The following NR5A2 variants were observed in gnomAD, a reference collection of about 807,000 sequenced individuals.
NR5A2 encodes CYP7A promoter-binding factor.
In NR5A2, 26 loss-of-function variants were observed where a neutral mutation model predicts 62.7. The observed-to-expected ratio is 0.41, with a 90% CI of 0.30 to 0.58. The LOEUF (loss-of-function observed/expected upper bound fraction) is 0.58, where lower values mean the gene tolerates loss of function less well. NR5A2 is among the 20% of genes least tolerant of loss of function. The probability of loss-of-function intolerance (pLI) is 0.22; values close to 1 mark genes in which losing one functional copy is unlikely to be tolerated. For missense variants in NR5A2, 541 were observed against 669.1 expected (o/e 0.81, Z 2.11); for synonymous variants, 246 against 241.7 (o/e 1.02, Z -0.16).
chr1:200,036,705 C>A (rs1264782375), intron 1 of NR5A2, among the ~76,000 whole-genome samples: 2 of 152,116 alleles, frequency 1.3e-5, no homozygotes, highest in Non-Finnish European at 2.9e-5. Flanking sequence ...CCCCAGGGAG[C>A]GTTTCCCATC....
chr1:200,124,207 T>A (rs1666603908), intron 7 of NR5A2, among the ~76,000 whole-genome samples: 1 of 152,184 alleles, frequency 6.6e-6, no homozygotes, highest in Non-Finnish European at 1.5e-5. Context: ...GGGAAAAGTC[T>A]AGGGTGTGTT....
In NR5A2 at chr1:200,145,748, T is replaced by C. The variant is rs536337433; in HGVS notation, c.1378+24793T>C. Among the ~76,000 whole-genome samples the C allele has an allele frequency of 2.0e-5, 3 of 152,236 alleles. No homozygotes were observed. The South Asian group carries it at 6.2e-4, about 32-fold the overall frequency. On this transcript the variant is annotated intron_variant, in intron 7 of 7. Transcript: ENST00000367362. The stretch of plus-strand genomic sequence containing the variant: ...GCTCAGGCAATCAGCCTCAGCCTCC[T>C]GAGTAGCTGGGACTACAGGTGCATG...
chr1:200,030,335 A>G lies in NR5A2; in HGVS notation c.64+2424A>G, dbSNP rs546215878. Among the ~76,000 whole-genome samples the G allele has an allele frequency of 4.6e-5, 7 of 152,344 alleles. No individual in the cohort carries two copies. The South Asian group carries it at 1.4e-3, about 32-fold the overall frequency. ...TTTTTAACTAGGGGCTACATCTTGTATGCACACTGATGGTTACATGAAAGT... is the reference window on the plus strand; with the variant it reads ...TTTTTAACTAGGGGCTACATCTTGTGTGCACACTGATGGTTACATGAAAGT... On this transcript the variant is annotated intron_variant, in intron 1 of 7. Transcript: ENST00000367362.
intron 5 of NR5A2, among the ~76,000 whole-genome samples, chr1:200,110,984 T>G (rs1288590573): frequency 6.6e-6 from 1 of 152,152 alleles, no homozygotes; most frequent in Non-Finnish European, 1.5e-5. Flanking sequence ...CTTAAGTACC[T>G]ACGTGTGTCC....
At chr1:200,051,774 T>C (rs893243291) in intron 5 of NR5A2, among the ~76,000 whole-genome samples, 1 of 152,196 alleles carries the variant, frequency 6.6e-6, no homozygotes, top group Non-Finnish European at 1.5e-5. Flanking sequence ...CGTTTATAAA[T>C]TTACTTTGTC....
intron 5 of NR5A2, among the ~76,000 whole-genome samples, chr1:200,097,917 G>A (rs907624648): frequency 6.6e-6 from 1 of 152,184 alleles, no homozygotes; most frequent in Non-Finnish European, 1.5e-5. Context: ...AAAGAGCTAG[G>A]TGTGGTTTTG....
chr1:200,148,920 T>C (rs2102360059), intron 7 of NR5A2, among the ~76,000 whole-genome samples: 1 of 150,864 alleles, frequency 6.6e-6, no homozygotes, highest in African/African-American at 2.4e-5. Flanking sequence ...TTTTTTTTTT[T>C]TTTTTTCCTT....
At chr1:200,060,989 G>A (rs937684303) in intron 5 of NR5A2, among the ~76,000 whole-genome samples, 4 of 149,596 alleles carry the variant, frequency 2.7e-5, no homozygotes, top group Admixed American at 1.3e-4. Context: ...GCATGGCAGC[G>A]GCCACCTGTA....
intron 5 of NR5A2, among the ~76,000 whole-genome samples, chr1:200,074,508 C>G (rs1003649095): frequency 2.0e-5 from 3 of 151,616 alleles, no homozygotes; most frequent in Non-Finnish European, 4.4e-5. Context: ...GAGGCCGAGG[C>G]GGGCAGATCA....
chr1:200,038,446 T>A (rs1361731645), intron 1 of NR5A2, among the ~76,000 whole-genome samples: 1 of 152,178 alleles, frequency 6.6e-6, no homozygotes, highest in Non-Finnish European at 1.5e-5. Flanking sequence ...GTGGCCCGCC[T>A]CTCATTGAGC....
chr1:200,094,610 G>C (rs1664988848), intron 5 of NR5A2, among the ~76,000 whole-genome samples: 1 of 128,436 alleles, frequency 7.8e-6, no homozygotes, highest in Non-Finnish European at 1.5e-5. Flanking sequence ...TCGGCTCACT[G>C]CAAGCTCTGC....
In NR5A2 at chr1:200,094,524, CTT is replaced by C. The variant is rs373809748; in HGVS notation, c.1111-16653_1111-16652del. Among the ~76,000 whole-genome samples the C allele has an allele frequency of 4.8e-4, 29 of 59,798 alleles. 1 individual carries two copies. Among genetic ancestry groups the C allele is most frequent in the African/African-American group, 1.3e-3 (17 of 13,444 alleles). 39.2% of individuals were successfully genotyped at this position (59,798 alleles called of 152,430 possible). ...TAAAATACACATCTATTAAATGCCACTTTTTTTTTTTTTTTTTTTTTTTTTTG... is the reference window on the plus strand; with the variant it reads ...TAAAATACACATCTATTAAATGCCACTTTTTTTTTTTTTTTTTTTTTTTTG... On this transcript the variant is annotated intron_variant, in intron 5 of 7. Transcript: ENST00000367362.
chr1:200,088,112 C>T (rs932438690), intron 5 of NR5A2, among the ~76,000 whole-genome samples: 2 of 152,072 alleles, frequency 1.3e-5, no homozygotes, highest in African/African-American at 4.8e-5. Flanking sequence ...CACGTGTGGC[C>T]CAGGCTGGTC....
intron 5 of NR5A2, among the ~76,000 whole-genome samples, chr1:200,087,558 C>A (rs1664611746): frequency 6.6e-6 from 1 of 151,174 alleles, no homozygotes; most frequent in African/African-American, 2.4e-5. Context: ...CCACACCTGG[C>A]TAATTTTTTT....
At chr1:200,166,632 G>A (rs1653915685) in intron 7 of NR5A2, among the ~76,000 whole-genome samples, 1 of 152,150 alleles carries the variant, frequency 6.6e-6, no homozygotes, top group Non-Finnish European at 1.5e-5. Context: ...AAAAACTCCA[G>A]GACTTTAAAA....
At chr1:200,156,377 C>T (rs760446395) in intron 7 of NR5A2, among the ~76,000 whole-genome samples, 2 of 152,174 alleles carry the variant, frequency 1.3e-5, no homozygotes, top group Non-Finnish European at 2.9e-5. Flanking sequence ...CCAGTAGAAA[C>T]CATACTTCAA....
chr1:200,160,992 A>G (rs1006880529), intron 7 of NR5A2, among the ~76,000 whole-genome samples: 2 of 152,120 alleles, frequency 1.3e-5, no homozygotes, highest in Admixed American at 1.3e-4. Context: ...CAAAAAAAAA[A>G]AAATAGTGAA....
At chr1:200,144,233 T>A (rs12026172) in intron 7 of NR5A2, among the ~76,000 whole-genome samples, 35,990 of 79,538 alleles carry the variant, frequency 0.45, 5,213 homozygotes, top group Non-Finnish European at 0.54. Context: ...TCTCTCTCTC[T>A]CACACACACA....
chr1:200,068,353 T>C (rs1663590514), intron 5 of NR5A2, among the ~76,000 whole-genome samples: 1 of 152,220 alleles, frequency 6.6e-6, no homozygotes, highest in Non-Finnish European at 1.5e-5. Context: ...CTAATAGCAA[T>C]GAGTGTTTCA....
Sources: allele counts gnomAD v4.1 joint callset (sites outside exome capture counted in the v4.1 genomes callset), GRCh38; gene constraint gnomAD v4.1.1; transcripts MANE v1.5; gene names NCBI Gene and HGNC (gene_info 2026-07-23, HGNC 2026-07-21).